The following NBAS variants were observed in gnomAD, a reference collection of about 807,000 sequenced individuals.
NBAS encodes NBAS subunit of NRZ tethering complex.
NBAS carries 219 observed loss-of-function variants against 302.5 expected under a neutral mutation model. That is an observed-to-expected ratio of 0.72 (90% confidence interval 0.65 to 0.81). The LOEUF is 0.81. Ranked by LOEUF, NBAS falls within the 30% of genes least tolerant of loss-of-function variation. The pLI, the probability that NBAS is intolerant of heterozygous loss-of-function variation, is 0.00. For synonymous variants in NBAS, 1,118 were observed against 1,021.6 expected (o/e 1.09, Z -1.80); for missense variants, 2,932 against 2,841.6 (o/e 1.03, Z -0.72).
At chr2:14,803,893 T>A in the NBAS span, among the ~76,000 whole-genome samples, 1 of 152,068 alleles carries the variant, frequency 6.6e-6, no homozygotes, top group Non-Finnish European at 1.5e-5. Context: ...CAGGTGATCC[T>A]CCTGCCTTGG....
intron 23 of NBAS, among the ~76,000 whole-genome samples, chr2:15,420,881 G>A (rs1325203415): frequency 6.6e-6 from 1 of 152,020 alleles, no homozygotes; most frequent in Non-Finnish European, 1.5e-5. Flanking sequence ...CAATAATAAA[G>A]GCCCACTCAC....
chr2:15,368,973 G>T (rs751417609), intron 31 of NBAS, among the ~76,000 whole-genome samples: 1 of 152,126 alleles, frequency 6.6e-6, no homozygotes, highest in East Asian at 1.9e-4. Context: ...AAAACTCACC[G>T]ATACAGTATA....
At chr2:15,523,801 C>G (rs897904505) in intron 9 of NBAS, among the ~76,000 whole-genome samples, 3 of 152,122 alleles carry the variant, frequency 2.0e-5, no homozygotes, top group African/African-American at 7.2e-5. Flanking sequence ...GTAATCCCAG[C>G]AACTCGAGAA....
intron 19 of NBAS, among the ~76,000 whole-genome samples, chr2:15,464,350 C>T (rs1362454116): frequency 6.6e-6 from 1 of 151,894 alleles, no homozygotes; most frequent in South Asian, 2.1e-4. Flanking sequence ...TGAGAAATCC[C>T]TCATTTTTCC....
intron 48 of NBAS, among the ~76,000 whole-genome samples, chr2:15,202,585 G>T (rs547811807): frequency 1.3e-5 from 2 of 152,098 alleles, no homozygotes; most frequent in South Asian, 4.1e-4. Flanking sequence ...TGTTGCCCAG[G>T]CTGGAGTGCA....
At chr2:14,783,868 T>C in the NBAS span, among the ~76,000 whole-genome samples, 11,260 of 150,372 alleles carry the variant, frequency 0.075, 480 homozygotes, top group African/African-American at 0.13. Context: ...ATGGTATTTC[T>C]AGTTCTAGAT....
intron 42 of NBAS, among the ~76,000 whole-genome samples, chr2:15,281,491 G>A (rs747747679): frequency 5.3e-5 from 8 of 152,214 alleles, no homozygotes; most frequent in Admixed American, 3.9e-4. Context: ...CCAGGGCCAT[G>A]TGATGGGTCT....
chr2:15,033,984 GGAA>G, the NBAS span, among the ~76,000 whole-genome samples: 248 of 56,310 alleles, frequency 4.4e-3, 7 homozygotes, highest in African/African-American at 0.015. Flanking sequence ...AAGAGGAAGA[GGAA>G]GAAGAAGAAG....
intron 32 of NBAS, among the ~76,000 whole-genome samples, chr2:15,359,436 T>TTA (rs1673786991): frequency 6.6e-6 from 1 of 152,144 alleles, no homozygotes; most frequent in African/African-American, 2.4e-5. Context: ...CAAAATAAGT[T>TTA]TATAGTTTCA....
chr2:15,067,497 AAG>A, the NBAS span, among the ~76,000 whole-genome samples: 264 of 144,378 alleles, frequency 1.8e-3, 2 homozygotes, highest in Middle Eastern at 3.8e-3. Context: ...GAAGAAAAGA[AAG>A]AGAGTAAGAA....
chr2:15,282,680 A>T lies in NBAS; in HGVS notation c.5138+4393T>A, dbSNP rs1256258118. 3.9e-5 allele frequency among the ~76,000 whole-genome samples: 6 copies of T among 152,200 alleles called. No individual in the cohort carries two copies. In the South Asian group the frequency reaches 1.0e-3, roughly 26 times the overall value. On this transcript the variant is annotated intron_variant, in intron 42 of 51. Coordinates refer to ENST00000281513, the MANE Select transcript of NBAS (RefSeq NM_015909.4). ...AACCATTTGAGTGACCAAAAAGTAG[A>T]TATTAGAGTGAAACCAAGGCATAGG...
At chr2:14,898,239 GAAATGT>G in the NBAS span, among the ~76,000 whole-genome samples, 4 of 152,144 alleles carry the variant, frequency 2.6e-5, no homozygotes, top group Non-Finnish European at 4.4e-5. Context: ...AGATCCTTAG[GAAATGT>G]AAAGCCTCTC....
chr2:15,473,761 T>C (rs929269603), intron 15 of NBAS, among the ~76,000 whole-genome samples: 1 of 152,110 alleles, frequency 6.6e-6, no homozygotes, highest in Non-Finnish European at 1.5e-5. Flanking sequence ...CCTCTGTAGA[T>C]GGCTGATTTA....
At chr2:14,869,627 C>T in the NBAS span, among the ~76,000 whole-genome samples, 2 of 152,224 alleles carry the variant, frequency 1.3e-5, no homozygotes, top group South Asian at 4.2e-4. Flanking sequence ...CTCCTCTTAC[C>T]CTCAATCAGC....
At position 15,366,516 on chromosome 2, in the gene NBAS, C is replaced by T. The variant is rs769100023; in HGVS notation, c.3817+64G>A. 1.1e-4 allele frequency: 153 copies of T among 1,433,804 alleles called. 1 individual carries two copies. The Middle Eastern group carries it at 2.8e-3, about 26-fold the overall frequency. The allele number at this position is 1,433,804 out of a possible 1,614,324, so 88.8% of individuals were successfully genotyped here. On this transcript the variant is annotated intron_variant, in intron 32 of 51. Coordinates refer to ENST00000281513, the MANE Select transcript of NBAS (RefSeq NM_015909.4). ...CTGTAAGCACATATTCTGCTATTGT[C>T]CTGCAATGATGTCAAGAATAACATA...
rs749989650 is a variant in NBAS at position 15,417,744 on chromosome 2, G to T, written c.2578-32C>A. On this transcript the variant is annotated intron_variant, in intron 23 of 51. Transcript: ENST00000281513. ...TTGAAAAGCAACAATAAGTTCCTGA[G>T]TATTATATATTTCTCATCTATTCTA... 6 of 1,587,800 alleles carry T rather than the reference G, an allele frequency of 3.8e-6. No individual in the cohort carries two copies. In the Admixed American group the frequency reaches 1.0e-4, roughly 27 times the overall value.
the NBAS span, among the ~76,000 whole-genome samples, chr2:14,954,880 A>G: frequency 6.6e-6 from 1 of 152,206 alleles, no homozygotes; most frequent in Non-Finnish European, 1.5e-5. Flanking sequence ...GGGTAGGGAC[A>G]CAGCCAAACC....
intron 50 of NBAS, among the ~76,000 whole-genome samples, chr2:15,183,825 C>T (rs1029591854): frequency 6.6e-6 from 1 of 152,158 alleles, no homozygotes; most frequent in African/African-American, 2.4e-5. Flanking sequence ...GTGCTCTAAC[C>T]GATGTGTGCT....
the NBAS span, among the ~76,000 whole-genome samples, chr2:15,118,536 C>G: frequency 1.3e-5 from 2 of 152,158 alleles, no homozygotes; most frequent in Admixed American, 6.5e-5. Flanking sequence ...GATGCTCCAC[C>G]AGTGCCAGGC....
Sources: allele counts gnomAD v4.1 joint callset (sites outside exome capture counted in the v4.1 genomes callset), GRCh38; gene constraint gnomAD v4.1.1; transcripts MANE v1.5; gene names NCBI Gene and HGNC (gene_info 2026-07-23, HGNC 2026-07-21).